KCMF1: variants seen among roughly 807,000 people sequenced by gnomAD.
KCMF1 encodes E3 ubiquitin-protein ligase KCMF1.
In KCMF1, 3 loss-of-function variants were observed where a neutral mutation model predicts 41.1. The observed-to-expected ratio is 0.07, with a 90% CI of 0.03 to 0.19. The LOEUF is 0.19. Ranked by LOEUF, KCMF1 falls within the 10% of genes least tolerant of loss-of-function variation. KCMF1 has a pLI of 1.00. For missense variants in KCMF1, 286 were observed against 488.9 expected (o/e 0.58, Z 3.91); for synonymous variants, 142 against 164.5 (o/e 0.86, Z 1.04).
At chr2:84,992,287 ACT>A (rs1228840832) in intron 1 of KCMF1, among the ~76,000 whole-genome samples, 1 of 152,032 alleles carries the variant, frequency 6.6e-6, no homozygotes, top group Non-Finnish European at 1.5e-5. Context: ...ATGGAATCTC[ACT>A]CTGTCGCCCA....
At chr2:84,988,443 G>T (rs779520205) in intron 1 of KCMF1, among the ~76,000 whole-genome samples, 1 of 152,148 alleles carries the variant, frequency 6.6e-6, no homozygotes, top group Non-Finnish European at 1.5e-5. Context: ...CATTATCTCA[G>T]TTTTATAGAT....
At chr2:84,994,374 A>G (rs754721049) in intron 1 of KCMF1, among the ~76,000 whole-genome samples, 15 of 152,080 alleles carry the variant, frequency 9.9e-5, no homozygotes, top group Admixed American at 2.6e-4. Context: ...TGGAATTGCA[A>G]TGTTACTATC....
chr2:85,031,395 G>GT (rs2104034304), intron 2 of KCMF1, among the ~76,000 whole-genome samples: 1 of 152,278 alleles, frequency 6.6e-6, no homozygotes, highest in Admixed American at 6.5e-5. Context: ...GTTTATGATG[G>GT]TTCAGCTTAT....
intron 1 of KCMF1, among the ~76,000 whole-genome samples, chr2:85,001,078 C>T (rs563464597): frequency 6.6e-6 from 1 of 151,218 alleles, no homozygotes; most frequent in Admixed American, 6.6e-5. Flanking sequence ...CTTCCTGCTC[C>T]ACTTCCCAAA....
At chr2:84,979,777 A>T (rs1361923033) in intron 1 of KCMF1, among the ~76,000 whole-genome samples, 1 of 152,086 alleles carries the variant, frequency 6.6e-6, no homozygotes, top group African/African-American at 2.4e-5. Flanking sequence ...TAAAATTGAG[A>T]AAAGAACCCG....
intron 1 of KCMF1, among the ~76,000 whole-genome samples, chr2:85,003,318 G>GA (rs902148121): frequency 3.4e-5 from 5 of 149,164 alleles, no homozygotes; most frequent in South Asian, 2.1e-4. Context: ...CTAAAAAAAA[G>GA]AAAAAAAAAA....
chr2:85,035,953 A>G (rs1284059162), intron 3 of KCMF1, among the ~76,000 whole-genome samples: 2 of 152,234 alleles, frequency 1.3e-5, no homozygotes, highest in East Asian at 3.8e-4. Flanking sequence ...TACTCAAAAC[A>G]AATTAATTGA....
intron 3 of KCMF1, among the ~76,000 whole-genome samples, chr2:85,039,980 T>C (rs1267835627): frequency 6.6e-6 from 1 of 151,758 alleles, no homozygotes; most frequent in Non-Finnish European, 1.5e-5. Context: ...GCCTGGCTAA[T>C]TTTTTTTGTA....
intron 1 of KCMF1, among the ~76,000 whole-genome samples, chr2:84,993,076 A>G (rs1355066132): frequency 6.6e-6 from 1 of 151,962 alleles, no homozygotes; most frequent in African/African-American, 2.4e-5. Context: ...AGTCCCAGCT[A>G]CTTGGGAGGC....
intron 1 of KCMF1, among the ~76,000 whole-genome samples, chr2:84,998,826 G>A (rs1365542620): frequency 6.6e-6 from 1 of 150,482 alleles, no homozygotes; most frequent in Non-Finnish European, 1.5e-5. Context: ...TGGTCAGGCT[G>A]GTCTTGAACT....
At chr2:85,029,769 C>T (rs1273733210) in intron 2 of KCMF1, among the ~76,000 whole-genome samples, 1 of 150,196 alleles carries the variant, frequency 6.7e-6, no homozygotes, top group Non-Finnish European at 1.5e-5. Context: ...GCAACCTCCA[C>T]CTCCTGGGTT....
intron 1 of KCMF1, among the ~76,000 whole-genome samples, chr2:84,990,460 A>G (rs1407436155): frequency 6.6e-6 from 1 of 152,124 alleles, no homozygotes; most frequent in East Asian, 1.9e-4. Flanking sequence ...TGGGGGGTGG[A>G]GTAGAAATGA....
chr2:84,995,295 C>G (rs1674149641), intron 1 of KCMF1, among the ~76,000 whole-genome samples: 1 of 152,198 alleles, frequency 6.6e-6, no homozygotes, highest in African/African-American at 2.4e-5. Flanking sequence ...GCTGGGATTA[C>G]AGGTGTGAGC....
intron 1 of KCMF1, among the ~76,000 whole-genome samples, chr2:85,002,080 C>T (rs760325838): frequency 2.6e-5 from 4 of 152,178 alleles, no homozygotes; most frequent in Non-Finnish European, 5.9e-5. Flanking sequence ...CTTTGGCATC[C>T]TCCTCAAAAC....
At chr2:85,008,765 CTT>C (rs112609910) in intron 1 of KCMF1, among the ~76,000 whole-genome samples, 132 of 138,926 alleles carry the variant, frequency 9.5e-4, no homozygotes, top group African/African-American at 1.9e-3. Flanking sequence ...GACATGTACT[CTT>C]TTTTTTTTTT....
At chr2:85,040,768 CTTTT>C (rs142252238) in intron 3 of KCMF1, among the ~76,000 whole-genome samples, 1 of 142,592 alleles carries the variant, frequency 7.0e-6, no homozygotes, top group Non-Finnish European at 1.5e-5. Context: ...TTTTTCTTTT[CTTTT>C]TTTTTTTTTT....
At chr2:85,008,274 TATA>T (rs1311695979) in intron 1 of KCMF1, among the ~76,000 whole-genome samples, 7 of 106,788 alleles carry the variant, frequency 6.6e-5, no homozygotes, top group African/African-American at 2.3e-4. Context: ...ATATATAATA[TATA>T]ATATGATATA....
intron 1 of KCMF1, among the ~76,000 whole-genome samples, chr2:85,010,846 C>CTT (rs1285447116): frequency 5.7e-5 from 8 of 140,638 alleles, no homozygotes; most frequent in East Asian, 4.1e-4. Flanking sequence ...TAATCTATTA[C>CTT]TTTTTTTTTT....
At chr2:85,048,221 T>C (rs1675719528) in intron 5 of KCMF1, among the ~76,000 whole-genome samples, 1 of 152,236 alleles carries the variant, frequency 6.6e-6, no homozygotes. Context: ...CATTTGTGTG[T>C]GCAACAACAA....
Sources: allele counts gnomAD v4.1 joint callset (sites outside exome capture counted in the v4.1 genomes callset), GRCh38; gene constraint gnomAD v4.1.1; transcripts MANE v1.5; gene names NCBI Gene and HGNC (gene_info 2026-07-23, HGNC 2026-07-21).